Variants in KCNMA1 observed in about 807,000 individuals in gnomAD.
The protein encoded by KCNMA1 is potassium calcium-activated channel subfamily M alpha 1.
In KCNMA1, 29 loss-of-function variants were observed where a neutral mutation model predicts 140.0. The ratio of observed to expected loss-of-function variants is 0.21; its 90% CI spans 0.15 to 0.28. The LOEUF (loss-of-function observed/expected upper bound fraction) is 0.28, where lower values mean the gene tolerates loss of function less well. KCNMA1 is among the 10% of genes least tolerant of loss of function. KCNMA1 has a pLI of 1.00. For synonymous variants in KCNMA1, 612 were observed against 611.9 expected (o/e 1.00, Z 0.00); for missense variants, 880 against 1,602.2 (o/e 0.55, Z 7.70).
chr10:77,115,765 A>G (rs559852321), intron 6 of KCNMA1, among the ~76,000 whole-genome samples: 81 of 152,334 alleles, frequency 5.3e-4, no homozygotes, highest in African/African-American at 1.9e-3. Context: ...ATTGTTGCTA[A>G]AACAGTCCAT....
intron 23 of KCNMA1, among the ~76,000 whole-genome samples, chr10:76,918,937 CACACACACACAT>C (rs913686165): frequency 1.9e-4 from 29 of 150,410 alleles, no homozygotes; most frequent in Admixed American, 1.2e-3. Flanking sequence ...CACACACACA[CACACACACACAT>C]ATATATGTGA....
intron 6 of KCNMA1, among the ~76,000 whole-genome samples, chr10:77,112,975 C>T (rs2097362148): frequency 6.6e-6 from 1 of 152,118 alleles, no homozygotes; most frequent in African/African-American, 2.4e-5. Context: ...CCATTGCACG[C>T]CTCAGAAAAT....
chr10:77,514,233 GGT>G (rs2049472877), intron 1 of KCNMA1, among the ~76,000 whole-genome samples: 1 of 152,220 alleles, frequency 6.6e-6, no homozygotes, highest in Non-Finnish European at 1.5e-5. Flanking sequence ...TGCACCCACA[GGT>G]GTGCTGGTCT....
Position 77,039,882 on chromosome 10 carries a change from T to C in KCNMA1, c.1750-245A>G, listed in dbSNP as rs1439676720. Among the ~76,000 whole-genome samples, 3 of 103,550 alleles carry C rather than the reference T, an allele frequency of 2.9e-5. No homozygotes were observed. The Admixed American group carries it at 3.7e-4, about 13-fold the overall frequency. The allele number at this position is 103,550 out of a possible 152,430, so 67.9% of individuals were successfully genotyped here. The stretch of plus-strand genomic sequence containing the variant: ...TTCTTTCCTTTTTCTTTTTTCTTTT[T>C]CTTTTTTTTTTTTTTTTTTTTTTTG... On this transcript the variant is annotated intron_variant, in intron 14 of 27. Transcript: ENST00000286628.
chr10:77,620,524 C>T (rs2091043458), intron 1 of KCNMA1, among the ~76,000 whole-genome samples: 1 of 152,208 alleles, frequency 6.6e-6, no homozygotes, highest in Non-Finnish European at 1.5e-5. Flanking sequence ...CTCCAAGGCT[C>T]ATGCTTAGAA....
chr10:77,210,318 T>C (rs1241410634), intron 3 of KCNMA1, among the ~76,000 whole-genome samples: 1 of 152,106 alleles, frequency 6.6e-6, no homozygotes, highest in Non-Finnish European at 1.5e-5. Flanking sequence ...CAAAAACACA[T>C]GATCATCTCA....
In KCNMA1 at chr10:77,377,806, C is replaced by T. The variant is rs541358966; in HGVS notation, c.540+26056G>A. On this transcript the variant is annotated intron_variant, in intron 2 of 27. Coordinates refer to ENST00000286628, the MANE Select transcript of KCNMA1 (RefSeq NM_001161352.2). Reference sequence around the variant, plus strand: ...TGCAACCCTCAGCAAGTCATTCATCCACTCTGAGCCCGAGTTCCCTCCTGT... The same window carrying T: ...TGCAACCCTCAGCAAGTCATTCATCTACTCTGAGCCCGAGTTCCCTCCTGT... Among the ~76,000 whole-genome samples, 3 of 152,306 alleles carry T rather than the reference C, an allele frequency of 2.0e-5. No individual in the cohort carries two copies. The South Asian group carries it at 6.2e-4, about 32-fold the overall frequency.
rs186870491 is a variant in KCNMA1, at chr10:77,500,761, T to G, written c.379-96738A>C. On this transcript the variant is annotated intron_variant, in intron 1 of 27. Transcript: ENST00000286628. ...GAAGTACTATTGCTCTCTCATATAT[T>G]AAGTTGTCCAAAACTAAACATAATT... Among the ~76,000 whole-genome samples the G allele has an allele frequency of 2.0e-3, 310 of 152,284 alleles. 2 individuals carry two copies. The highest frequency in any genetic ancestry group is 3.0e-3 in the Non-Finnish European group (206 of 68,022).
intron 9 of KCNMA1, among the ~76,000 whole-genome samples, chr10:77,107,837 G>A (rs375781443): frequency 6.6e-6 from 1 of 152,162 alleles, no homozygotes; most frequent in Non-Finnish European, 1.5e-5. Flanking sequence ...CCCAGTGGCC[G>A]CAGTGCCTTT....
intron 1 of KCNMA1, among the ~76,000 whole-genome samples, chr10:77,474,143 C>T (rs1567040835): frequency 6.6e-6 from 1 of 152,162 alleles, no homozygotes; most frequent in Non-Finnish European, 1.5e-5. Flanking sequence ...GGGGTGAAAA[C>T]GCAAAGTCTA....
chr10:77,635,715 G>A (rs2093665257), intron 1 of KCNMA1: 2 of 152,318 alleles, frequency 1.3e-5, no homozygotes, highest in South Asian at 4.1e-4. Flanking sequence ...CTCTACGGCT[G>A]AGAAGGTAAT....
intron 5 of KCNMA1, among the ~76,000 whole-genome samples, chr10:77,161,792 CTATT>C (rs577546074): frequency 1.3e-5 from 2 of 152,138 alleles, no homozygotes; most frequent in Admixed American, 6.5e-5. Context: ...TATTATTTAA[CTATT>C]TATTCATCTT....
At chr10:77,097,963 A>C (rs781104219) in intron 9 of KCNMA1, among the ~76,000 whole-genome samples, 2 of 152,208 alleles carry the variant, frequency 1.3e-5, no homozygotes, top group Non-Finnish European at 2.9e-5. Context: ...CCCCAAGGTC[A>C]GAGGACAGAC....
intron 1 of KCNMA1, among the ~76,000 whole-genome samples, chr10:77,458,082 G>T (rs774780353): frequency 6.6e-6 from 1 of 152,110 alleles, no homozygotes; most frequent in Non-Finnish European, 1.5e-5. Context: ...CTGCCAAAAA[G>T]ACCCGATTAT....
intron 1 of KCNMA1, among the ~76,000 whole-genome samples, chr10:77,628,140 C>A (rs2092763303): frequency 2.6e-5 from 4 of 152,086 alleles, no homozygotes; most frequent in Admixed American, 2.0e-4. Flanking sequence ...ATACTCCCAA[C>A]TTGAAATGCA....
chr10:76,874,807 T>C (rs1025794129), downstream of KCNMA1: 15 of 152,318 alleles, frequency 9.8e-5, no homozygotes, highest in Middle Eastern at 3.4e-3. Flanking sequence ...TATTCTAAAA[T>C]ATAAAATTGC....
chr10:77,494,916 T>C (rs891527277), intron 1 of KCNMA1, among the ~76,000 whole-genome samples: 9 of 152,206 alleles, frequency 5.9e-5, no homozygotes, highest in African/African-American at 1.9e-4. Context: ...TCTGCCTTCA[T>C]CTTTATAGGC....
intron 2 of KCNMA1, among the ~76,000 whole-genome samples, chr10:77,345,735 C>A (rs962773390): frequency 6.6e-6 from 1 of 152,222 alleles, no homozygotes; most frequent in Non-Finnish European, 1.5e-5. Context: ...CATGCAGTTC[C>A]CATGGTTTAC....
intron 5 of KCNMA1, among the ~76,000 whole-genome samples, chr10:77,178,606 G>A (rs1052393430): frequency 2.0e-5 from 3 of 152,182 alleles, no homozygotes; most frequent in Non-Finnish European, 4.4e-5. Flanking sequence ...CGGGGAGGCT[G>A]AGGCAGGAGA....
Sources: allele counts gnomAD v4.1 joint callset (sites outside exome capture counted in the v4.1 genomes callset), GRCh38; gene constraint gnomAD v4.1.1; transcripts MANE v1.5; gene names NCBI Gene and HGNC (gene_info 2026-07-23, HGNC 2026-07-21).